ZNF560: variants seen among roughly 807,000 people sequenced by gnomAD.
ZNF560 encodes zinc finger protein 560.
Under a neutral mutation model 81.8 loss-of-function variants are expected in ZNF560, and 54 were observed. The ratio of observed to expected loss-of-function variants is 0.66; its 90% confidence interval spans 0.53 to 0.83. ZNF560 has a LOEUF of 0.83. ZNF560 is among the 40% of genes least tolerant of loss of function. ZNF560 has a pLI of 0.00. For missense variants in ZNF560, 940 were observed against 932.4 expected (o/e 1.01, Z -0.11); for synonymous variants, 321 against 317.9 (o/e 1.01, Z -0.10).
At chr19:9,458,644 C>T in the ZNF560 span, among the ~76,000 whole-genome samples, 1 of 152,228 alleles carries the variant, frequency 6.6e-6, no homozygotes, top group Non-Finnish European at 1.5e-5. Flanking sequence ...CACATTAGGG[C>T]TCATACACCT....
In ZNF560 at chr19:9,485,609, G is replaced by T. The variant is rs1391000878; in HGVS notation, c.-56-10240C>A. Among the ~76,000 whole-genome samples the T allele has an allele frequency of 2.7e-5, 4 of 150,118 alleles. No homozygotes were observed. The East Asian group carries it at 7.9e-4, about 30-fold the overall frequency. On this transcript the variant is annotated intron_variant, in intron 2 of 9. Coordinates refer to ENST00000301480, the MANE Select transcript of ZNF560 (RefSeq NM_152476.3). ...CACCCAGGCTGGAGTGCAATGGTGT[G>T]ATCTCAGCTCACTGCAACCTCCACC...
At chr19:9,501,427 C>T (rs112241014), upstream of ZNF560, among the ~76,000 whole-genome samples, 6,585 of 147,950 alleles carry the variant, frequency 0.045, 578 homozygotes, top group African/African-American at 0.16. Context: ...GGTGTGATCT[C>T]GGCTCACCAC....
At chr19:9,454,847 AGAAGAGAGGGAGTGT>A in the ZNF560 span, among the ~76,000 whole-genome samples, 1 of 139,302 alleles carries the variant, frequency 7.2e-6, no homozygotes, top group South Asian at 2.1e-4. Context: ...AAGGAGACAA[AGAAGAGAGGGAGTGT>A]GATAATGTTG....
At chr19:9,452,840 A>C in the ZNF560 span, among the ~76,000 whole-genome samples, 1 of 152,228 alleles carries the variant, frequency 6.6e-6, no homozygotes, top group African/African-American at 2.4e-5. Flanking sequence ...TCATATCACA[A>C]ACCCCAGCAA....
chr19:9,483,141 G>A (rs1441746911), intron 2 of ZNF560, among the ~76,000 whole-genome samples: 1 of 151,658 alleles, frequency 6.6e-6, no homozygotes, highest in East Asian at 2.0e-4. Context: ...GGGATGTGAG[G>A]AGCCCCTCTG....
intron 2 of ZNF560, among the ~76,000 whole-genome samples, chr19:9,489,955 A>C (rs1599678079): frequency 6.6e-6 from 1 of 152,184 alleles, no homozygotes; most frequent in African/African-American, 2.4e-5. Flanking sequence ...AGACATTTTG[A>C]ATTTTACATA....
chr19:9,452,774 G>A, the ZNF560 span, among the ~76,000 whole-genome samples: 80,038 of 152,052 alleles, frequency 0.53, 21,394 homozygotes, highest in Non-Finnish European at 0.55. Context: ...GGGAAGAGGA[G>A]AGAGTTGAAA....
chr19:9,495,887 ACAG>A (rs2073550211), intron 2 of ZNF560, among the ~76,000 whole-genome samples: 2 of 152,184 alleles, frequency 1.3e-5, no homozygotes, highest in Admixed American at 1.3e-4. Flanking sequence ...AAACAAACAA[ACAG>A]AAAAAACAAA....
downstream of ZNF560, among the ~76,000 whole-genome samples, chr19:9,464,174 A>G (rs1825289188): frequency 6.6e-6 from 1 of 152,206 alleles, no homozygotes; most frequent in African/African-American, 2.4e-5. Flanking sequence ...TTCCAGGGCC[A>G]TGTTCAGGAA....
chr19:9,454,345 C>T, the ZNF560 span, among the ~76,000 whole-genome samples: 1 of 152,212 alleles, frequency 6.6e-6, no homozygotes, highest in East Asian at 1.9e-4. Flanking sequence ...GTCTTTATTC[C>T]TCTAGCACCG....
rs755967197 is a variant in ZNF560, at chr19:9,471,406, T to G, written c.239-28A>C. On this transcript the variant is annotated intron_variant, in intron 5 of 9. Coordinates refer to ENST00000301480, the MANE Select transcript of ZNF560 (RefSeq NM_152476.3). ...GAAACAAAAACATAAACTGAGGTTT[T>G]TTTTTTTTTTAAAAAAAAAGGTAAA... The G allele has an allele frequency of 4.0e-5, 58 of 1,450,190 alleles. 1 individual carries two copies. Among genetic ancestry groups the G allele is most frequent in the African/African-American group, 3.7e-4 (24 of 64,348 alleles). 89.8% of individuals were successfully genotyped at this position (1,450,190 alleles called of 1,614,324 possible).
the ZNF560 span, among the ~76,000 whole-genome samples, chr19:9,505,470 C>G: frequency 5.9e-5 from 9 of 152,170 alleles, no homozygotes; most frequent in Non-Finnish European, 1.3e-4. Context: ...TTATTTCATC[C>G]ATTCTTCAAC....
Position 9,479,033 on chromosome 19 carries a change from A to G in ZNF560, c.-56-3664T>C, listed in dbSNP as rs986830129. On this transcript the variant is annotated intron_variant, in intron 2 of 9. Transcript: ENST00000301480. Reference sequence around the variant, plus strand: ...ATACAAAAATTAGCCAGGCATGGTGACGGGCACCTGTAATCCCAGCTATTC... The same window carrying G: ...ATACAAAAATTAGCCAGGCATGGTGGCGGGCACCTGTAATCCCAGCTATTC... 5.1e-4 allele frequency among the ~76,000 whole-genome samples: 77 copies of G among 152,020 alleles called. 1 individual carries two copies. Among genetic ancestry groups the G allele is most frequent in the African/African-American group, 1.8e-3 (76 of 41,482 alleles).
chr19:9,455,025 G>A, the ZNF560 span, among the ~76,000 whole-genome samples: 1 of 152,110 alleles, frequency 6.6e-6, no homozygotes, highest in Non-Finnish European at 1.5e-5. Flanking sequence ...TGAGCAAAAA[G>A]TAGTCTCCCC....
At chr19:9,493,451 A>C (rs550424529) in intron 2 of ZNF560, among the ~76,000 whole-genome samples, 15 of 152,096 alleles carry the variant, frequency 9.9e-5, no homozygotes, top group African/African-American at 3.6e-4. Context: ...TGCAACCTCC[A>C]CCTCCCAGAT....
the ZNF560 span, among the ~76,000 whole-genome samples, chr19:9,454,565 A>G: frequency 6.6e-6 from 1 of 152,204 alleles, no homozygotes; most frequent in Non-Finnish European, 1.5e-5. Flanking sequence ...TCAAGCAGGC[A>G]CAAGGCTTAT....
chr19:9,467,684 T>C lies in ZNF560; in HGVS notation c.1263A>G (p.Glu421=). Reference sequence around the variant, plus strand: ...TCTCTCTGGCGTGACATCTTATATGTTCAATAAGGCCTGCAGATGTACCAA... The same window carrying C: ...TCTCTCTGGCGTGACATCTTATATGCTCAATAAGGCCTGCAGATGTACCAA... The part of the protein sequence containing the change: ...KAFGTSAGLI[E]HIRCHAREKT... The change falls in exon 10 of 10, where the codon GAA becomes GAG. Residue 421 remains glutamate, a synonymous_variant. Transcript: ENST00000301480. The C allele has an allele frequency of 6.2e-7, 1 of 1,613,950 alleles. No homozygotes were observed. Among genetic ancestry groups the C allele is most frequent in the Non-Finnish European group, 8.5e-7 (1 of 1,179,994 alleles).
At chr19:9,480,827 T>C (rs1001449075) in intron 2 of ZNF560, among the ~76,000 whole-genome samples, 1 of 152,102 alleles carries the variant, frequency 6.6e-6, no homozygotes, top group Non-Finnish European at 1.5e-5. Context: ...GGCTCACACC[T>C]GTAATCTCAG....
At chr19:9,473,701 A>T (rs2073157068) in intron 4 of ZNF560, among the ~76,000 whole-genome samples, 1 of 149,996 alleles carries the variant, frequency 6.7e-6, no homozygotes, top group Non-Finnish European at 1.5e-5. Flanking sequence ...AATATCTCTT[A>T]TTTCTGTGCA....
Sources: gnomAD v4.1 joint callset for allele counts (sites outside exome capture counted in the v4.1 genomes callset) on GRCh38, gnomAD v4.1.1 for gene constraint, MANE v1.5 for transcripts, NCBI Gene and HGNC (gene_info 2026-07-23, HGNC 2026-07-21) for gene names.